DCAF6: variants seen among roughly 807,000 people sequenced by gnomAD.
DCAF6 encodes the protein DDB1 and CUL4 associated factor 6.
DCAF6 carries 54 observed loss-of-function variants against 125.1 expected under a neutral mutation model. The observed-to-expected ratio is 0.43, with a 90% CI of 0.35 to 0.54. The LOEUF (loss-of-function observed/expected upper bound fraction) is 0.54, where lower values mean the gene tolerates loss of function less well. DCAF6 is among the 20% of genes least tolerant of loss of function. DCAF6 has a pLI of 0.01. For synonymous variants in DCAF6, 371 were observed against 390.4 expected (o/e 0.95, Z 0.58); for missense variants, 934 against 1,161.7 (o/e 0.80, Z 2.85).
At chr1:167,870,486 A>G in the DCAF6 span, 1 of 1,305,062 alleles carries the variant, frequency 7.7e-7, no homozygotes. Context: ...GTCACATAGA[A>G]ACCCTCCTTC....
chr1:167,881,039 TC>T, the DCAF6 span, among the ~76,000 whole-genome samples: 2 of 152,192 alleles, frequency 1.3e-5, no homozygotes, highest in African/African-American at 4.8e-5. Flanking sequence ...TCTAGGAACT[TC>T]CGTTTATCTC....
At chr1:167,885,178 C>T in the DCAF6 span, among the ~76,000 whole-genome samples, 1 of 152,150 alleles carries the variant, frequency 6.6e-6, no homozygotes, top group Non-Finnish European at 1.5e-5. Context: ...TTTTCTTTAT[C>T]CATTTCTCTG....
intron 2 of DCAF6, among the ~76,000 whole-genome samples, chr1:167,955,287 T>C (rs894974484): frequency 6.6e-6 from 1 of 152,182 alleles, no homozygotes; most frequent in Non-Finnish European, 1.5e-5. Flanking sequence ...TTTTGATAAA[T>C]ACCTTTGAGT....
At chr1:167,864,797 C>A in the DCAF6 span, among the ~76,000 whole-genome samples, 5 of 151,652 alleles carry the variant, frequency 3.3e-5, no homozygotes, top group Non-Finnish European at 7.4e-5. Flanking sequence ...GGGCGTATCC[C>A]GAAAGCACTG....
intron 17 of DCAF6, among the ~76,000 whole-genome samples, chr1:168,054,952 G>A (rs1444183271): frequency 6.6e-6 from 1 of 151,894 alleles, no homozygotes; most frequent in East Asian, 1.9e-4. Flanking sequence ...AAGTAGCTGG[G>A]GCTACAGGCA....
At chr1:168,047,286 AC>A (rs1689255102) in intron 16 of DCAF6, among the ~76,000 whole-genome samples, 1 of 152,052 alleles carries the variant, frequency 6.6e-6, no homozygotes, top group South Asian at 2.1e-4. Flanking sequence ...AGCCTCATTG[AC>A]CCAAGGAAAC....
At chr1:168,054,702 T>C (rs1239813875) in intron 17 of DCAF6, among the ~76,000 whole-genome samples, 1 of 152,210 alleles carries the variant, frequency 6.6e-6, no homozygotes, top group Admixed American at 6.5e-5. Context: ...CCTGTCTGAA[T>C]AATCACAGAT....
chr1:167,955,728 G>T (rs1674673813), intron 2 of DCAF6, among the ~76,000 whole-genome samples: 1 of 152,046 alleles, frequency 6.6e-6, no homozygotes, highest in African/African-American at 2.4e-5. Context: ...TTATAAGATT[G>T]AATAGAAGGA....
intron 4 of DCAF6, among the ~76,000 whole-genome samples, chr1:167,975,797 C>T (rs1447669268): frequency 6.6e-6 from 1 of 152,164 alleles, no homozygotes; most frequent in African/African-American, 2.4e-5. Context: ...ATACAATCCT[C>T]CCACCTTGGC....
At chr1:167,967,649 T>C (rs1160878406) in intron 3 of DCAF6, among the ~76,000 whole-genome samples, 1 of 151,932 alleles carries the variant, frequency 6.6e-6, no homozygotes, top group Non-Finnish European at 1.5e-5. Context: ...ATATGTATAT[T>C]TCCTAGCTGC....
chr1:167,991,985 G>T (rs1260155239), intron 6 of DCAF6, among the ~76,000 whole-genome samples: 1 of 151,918 alleles, frequency 6.6e-6, no homozygotes, highest in African/African-American at 2.4e-5. Context: ...TGAATTTTGG[G>T]GAGACTCTGC....
chr1:168,042,809 C>A, intron 13 of DCAF6: 1 of 413,386 alleles, frequency 2.4e-6, no homozygotes, highest in Non-Finnish European at 4.4e-6. Flanking sequence ...AGAAGCAGTC[C>A]CTTTATATTT....
At chr1:167,918,669 C>T in the DCAF6 span, among the ~76,000 whole-genome samples, 1 of 148,612 alleles carries the variant, frequency 6.7e-6, no homozygotes, top group Non-Finnish European at 1.5e-5. Context: ...TCTCGGCTCG[C>T]TGCAAGCTCT....
chr1:167,952,919 A>T (rs1015549830), intron 2 of DCAF6, among the ~76,000 whole-genome samples: 7 of 152,214 alleles, frequency 4.6e-5, no homozygotes, highest in African/African-American at 1.4e-4. Flanking sequence ...CTTAGTAATT[A>T]TCAAGATTTT....
chr1:167,920,551 A>C, the DCAF6 span: 1 of 1,613,708 alleles, frequency 6.2e-7, no homozygotes, highest in Non-Finnish European at 8.5e-7. Flanking sequence ...ATTTACCTGT[A>C]GCCATCAAAA....
chr1:167,943,678 C>G (rs1029260676), intron 1 of DCAF6, among the ~76,000 whole-genome samples: 2 of 152,180 alleles, frequency 1.3e-5, no homozygotes, highest in African/African-American at 2.4e-5. Flanking sequence ...CCTCCTCATT[C>G]TTCCACTCCA....
At chr1:167,865,803 A>G in the DCAF6 span, among the ~76,000 whole-genome samples, 1 of 152,230 alleles carries the variant, frequency 6.6e-6, no homozygotes, top group Non-Finnish European at 1.5e-5. Flanking sequence ...GCTTGTGCAC[A>G]TGGCAGGCCA....
chr1:168,012,318 A>G (rs943954973), intron 10 of DCAF6, among the ~76,000 whole-genome samples: 2 of 152,226 alleles, frequency 1.3e-5, no homozygotes, highest in Non-Finnish European at 2.9e-5. Flanking sequence ...TCTCACTGGA[A>G]TTAAGTCATT....
chr1:167,896,951 T>C, the DCAF6 span, among the ~76,000 whole-genome samples: 3 of 152,226 alleles, frequency 2.0e-5, no homozygotes, highest in Non-Finnish European at 4.4e-5. Flanking sequence ...TCTTATACTT[T>C]TCTGCCCTTA....
Sources: gnomAD v4.1 joint callset for allele counts (sites outside exome capture counted in the v4.1 genomes callset) on GRCh38, gnomAD v4.1.1 for gene constraint, MANE v1.5 for transcripts, NCBI Gene and HGNC (gene_info 2026-07-23, HGNC 2026-07-21) for gene names.